Variants in SCAPER observed in about 807,000 individuals in gnomAD.
SCAPER encodes S-phase cyclin A associated protein in the ER.
In SCAPER, 98 loss-of-function variants were observed where a neutral mutation model predicts 182.2. The observed-to-expected ratio is 0.54, with a 90% CI of 0.46 to 0.64. The LOEUF is 0.64. SCAPER is among the 30% of genes least tolerant of loss of function. The pLI, the probability that SCAPER is intolerant of heterozygous loss-of-function variation, is 0.00. For synonymous variants in SCAPER, 605 were observed against 564.6 expected (o/e 1.07, Z -1.01); for missense variants, 1,432 against 1,690.0 (o/e 0.85, Z 2.68).
At chr15:76,522,600 A>T (rs2042915636) in intron 23 of SCAPER, among the ~76,000 whole-genome samples, 2 of 152,126 alleles carry the variant, frequency 1.3e-5, no homozygotes, top group African/African-American at 4.8e-5. Context: ...TTTTACACTA[A>T]GACAGAGTAG....
chr15:76,716,577 T>A (rs188688292), intron 17 of SCAPER, among the ~76,000 whole-genome samples: 2 of 151,648 alleles, frequency 1.3e-5, no homozygotes, highest in Admixed American at 1.3e-4. Context: ...GAAAAATAAA[T>A]CATGATCTGA....
chr15:76,422,964 T>A (rs2046154669), intron 26 of SCAPER, among the ~76,000 whole-genome samples: 2 of 152,364 alleles, frequency 1.3e-5, no homozygotes, highest in South Asian at 4.1e-4. Context: ...ATCCCAGGGA[T>A]GAAGCCCACT....
intron 21 of SCAPER, among the ~76,000 whole-genome samples, chr15:76,637,846 C>T (rs941648588): frequency 7.1e-6 from 1 of 141,556 alleles, no homozygotes; most frequent in African/African-American, 2.6e-5. Context: ...AAGCAGAATC[C>T]TATTATGAAC....
chr15:76,848,679 G>GT (rs2070397862), intron 4 of SCAPER, among the ~76,000 whole-genome samples: 1 of 152,046 alleles, frequency 6.6e-6, no homozygotes, highest in Admixed American at 6.5e-5. Flanking sequence ...TATTATATGT[G>GT]TATCTAAAGG....
intron 27 of SCAPER, among the ~76,000 whole-genome samples, chr15:76,400,407 C>T (rs1246470664): frequency 6.6e-6 from 1 of 152,202 alleles, no homozygotes; most frequent in Non-Finnish European, 1.5e-5. Flanking sequence ...ATAGCAGAAA[C>T]TCTATTTAAT....
intron 15 of SCAPER, 43 bp from the exon 16 acceptor site, chr15:76,733,427 C>T: frequency 1.3e-6 from 2 of 1,587,084 alleles, no homozygotes; most frequent in Admixed American, 3.6e-5. Context: ...CAAGTTAATT[C>T]TAGGGCACAT....
intron 26 of SCAPER, among the ~76,000 whole-genome samples, chr15:76,420,634 A>G (rs1048156663): frequency 2.6e-5 from 4 of 152,192 alleles, no homozygotes; most frequent in African/African-American, 9.7e-5. Context: ...CTTTTTTAAA[A>G]TTATACTTTA....
At position 76,456,401 on chromosome 15, in the gene SCAPER, AT is replaced by A. The variant is rs1395671976; in HGVS notation, c.3078+14810del. Among the ~76,000 whole-genome samples, 4 of 152,328 alleles carry A rather than the reference AT, an allele frequency of 2.6e-5. No individual in the cohort carries two copies. The East Asian group carries it at 5.8e-4, about 22-fold the overall frequency. ...AAAATATTTTCTCATTTCTTTGTGA[AT>A]TTGTAGATACATAATATTGAGTTCT... On this transcript the variant is annotated intron_variant, in intron 25 of 31. Coordinates refer to ENST00000563290, the MANE Select transcript of SCAPER (RefSeq NM_020843.4).
chr15:76,749,942 A>C (rs2061997138), intron 15 of SCAPER, among the ~76,000 whole-genome samples: 1 of 151,990 alleles, frequency 6.6e-6, no homozygotes, highest in East Asian at 1.9e-4. Context: ...CAGAAAAAAA[A>C]CAACAAAGCT....
chr15:76,657,645 T>C (rs528931726), intron 21 of SCAPER, among the ~76,000 whole-genome samples: 1 of 148,638 alleles, frequency 6.7e-6, no homozygotes, highest in African/African-American at 2.5e-5. Context: ...TTATTCATGA[T>C]GACATGCATA....
intron 25 of SCAPER, among the ~76,000 whole-genome samples, chr15:76,453,623 ACT>A (rs1424447143): frequency 6.6e-6 from 1 of 152,204 alleles, no homozygotes; most frequent in African/African-American, 2.4e-5. Context: ...CATAACTGAT[ACT>A]GTTTACTTTG....
chr15:76,397,720 G>A (rs965673221), intron 27 of SCAPER, among the ~76,000 whole-genome samples: 1 of 151,944 alleles, frequency 6.6e-6, no homozygotes, highest in African/African-American at 2.4e-5. Context: ...CAGGTGATCC[G>A]CCCGCCTTGG....
intron 10 of SCAPER, among the ~76,000 whole-genome samples, chr15:76,768,911 T>G (rs1230405901): frequency 6.6e-6 from 1 of 152,102 alleles, no homozygotes; most frequent in Non-Finnish European, 1.5e-5. Flanking sequence ...TAAAGAAAGA[T>G]GTAATTCAAA....
At chr15:76,853,374 C>T (rs1206279823) in intron 4 of SCAPER, among the ~76,000 whole-genome samples, 3 of 152,016 alleles carry the variant, frequency 2.0e-5, no homozygotes, top group African/African-American at 4.8e-5. Flanking sequence ...AGACACAACA[C>T]GAAAAGAAAC....
intron 5 of SCAPER, among the ~76,000 whole-genome samples, chr15:76,807,301 T>G (rs997355139): frequency 6.6e-6 from 1 of 152,206 alleles, no homozygotes; most frequent in African/African-American, 2.4e-5. Flanking sequence ...CCAACTGAGA[T>G]AATCTGTGAT....
intron 24 of SCAPER, among the ~76,000 whole-genome samples, chr15:76,490,089 T>C (rs1011287312): frequency 1.2e-4 from 19 of 152,194 alleles, no homozygotes; most frequent in African/African-American, 3.6e-4. Flanking sequence ...AAATTGTCAA[T>C]AGTGCTGAAA....
At chr15:76,673,321 A>G (rs2057156846) in intron 20 of SCAPER, among the ~76,000 whole-genome samples, 1 of 152,128 alleles carries the variant, frequency 6.6e-6, no homozygotes, top group Non-Finnish European at 1.5e-5. Context: ...GATAAAAGCT[A>G]AAGAATCCAG....
At chr15:76,523,537 C>T (rs1421148560) in intron 23 of SCAPER, among the ~76,000 whole-genome samples, 1 of 151,920 alleles carries the variant, frequency 6.6e-6, no homozygotes, top group Non-Finnish European at 1.5e-5. Flanking sequence ...ATTCCAAAGG[C>T]AATTAAATTA....
Position 76,348,179 on chromosome 15 carries a change from G to T in SCAPER, c.*454C>A, listed in dbSNP as rs970678270. 2 of 152,698 alleles carry T rather than the reference G, an allele frequency of 1.3e-5. No homozygotes were observed. The highest frequency in any genetic ancestry group is 2.9e-5 in the Non-Finnish European group (2 of 68,400). The allele number at this position is 152,698 out of a possible 1,614,324, so 9.5% of individuals were successfully genotyped here. ...ATATCTTTACCGTAGACCTTAAAAAGTTAAATTTAGAGCAGGTAAACTTTA... is the reference window on the plus strand; with the variant it reads ...ATATCTTTACCGTAGACCTTAAAAATTTAAATTTAGAGCAGGTAAACTTTA... On this transcript the variant is annotated 3_prime_UTR_variant, in exon 32 of 32. Coordinates refer to ENST00000563290, the MANE Select transcript of SCAPER (RefSeq NM_020843.4).
Sources: gnomAD v4.1 joint callset for allele counts (sites outside exome capture counted in the v4.1 genomes callset) on GRCh38, gnomAD v4.1.1 for gene constraint, MANE v1.5 for transcripts, NCBI Gene and HGNC (gene_info 2026-07-23, HGNC 2026-07-21) for gene names.